Variants in MCC observed in about 807,000 individuals in gnomAD.
The protein encoded by MCC is MCC regulator of Wnt signaling pathway, also known as colorectal mutant cancer protein.
In MCC, 90 loss-of-function variants were observed where a neutral mutation model predicts 116.2. That is an observed-to-expected ratio of 0.77 (90% CI 0.65 to 0.92). The LOEUF is 0.92. MCC is among the 40% of genes least tolerant of loss of function. The probability of loss-of-function intolerance (pLI) is 0.00; values close to 1 mark genes in which losing one functional copy is unlikely to be tolerated. For missense variants in MCC, 1,516 were observed against 1,312.2 expected (o/e 1.16, Z -2.40); for synonymous variants, 578 against 510.5 (o/e 1.13, Z -1.78).
At chr5:113,137,550 C>A in intron 5 of MCC, among the ~76,000 whole-genome samples, 1 of 152,150 alleles carries the variant, frequency 6.6e-6, no homozygotes, top group Non-Finnish European at 1.5e-5. Flanking sequence ...CCCACTCGAT[C>A]ATGGTGAATG....
chr5:113,085,435 G>A, intron 8 of MCC, 125 bp from the exon 9 acceptor site: 1 of 866,686 alleles, frequency 1.2e-6, no homozygotes, highest in Non-Finnish European at 1.8e-6. Context: ...AGCTAGGTTG[G>A]TTGAGTCCAC....
intron 12 of MCC, among the ~76,000 whole-genome samples, chr5:113,069,532 T>C (rs1753878333): frequency 6.6e-6 from 1 of 152,276 alleles, no homozygotes; most frequent in Non-Finnish European, 1.5e-5. Flanking sequence ...AGGGGATATG[T>C]TGCTTCATTT....
chr5:113,205,410 A>G (rs905487117), intron 3 of MCC, among the ~76,000 whole-genome samples: 2 of 152,234 alleles, frequency 1.3e-5, no homozygotes, highest in Admixed American at 1.3e-4. Flanking sequence ...CTTGTATCAT[A>G]GAGAAGGTGG....
chr5:113,064,924 G>A (rs1753484324), intron 13 of MCC, among the ~76,000 whole-genome samples: 1 of 152,178 alleles, frequency 6.6e-6, no homozygotes, highest in African/African-American at 2.4e-5. Context: ...GCTGAGCTGA[G>A]GTGGGAGGAC....
intron 1 of MCC, among the ~76,000 whole-genome samples, chr5:113,478,456 A>G (rs1580427306): frequency 6.6e-6 from 1 of 152,152 alleles, no homozygotes; most frequent in Non-Finnish European, 1.5e-5. Context: ...GAAAAGAGGA[A>G]AATGCAGGAA....
chr5:113,259,701 T>C (rs1017962069), intron 3 of MCC, among the ~76,000 whole-genome samples: 1 of 152,050 alleles, frequency 6.6e-6, no homozygotes, highest in Non-Finnish European at 1.5e-5. Flanking sequence ...TGTTAACCCA[T>C]TTATGCCTAG....
rs141420067 is a variant in MCC at position 113,219,973 on chromosome 5, C to T, written c.628-68551G>A. On this transcript the variant is annotated intron_variant, in intron 3 of 18. Transcript: ENST00000408903. The stretch of plus-strand genomic sequence containing the variant: ...TTGAAATTAGATAGTATACATCCTC[C>T]GGGTTCATTCTTTTTCTAAGTTAAT... Among the ~76,000 whole-genome samples, 137 of 151,744 alleles carry T rather than the reference C, an allele frequency of 9.0e-4. 3 individuals are homozygous for T. The South Asian group carries it at 0.025, about 28-fold the overall frequency.
At chr5:113,482,285 T>A (rs959696344) in intron 1 of MCC, among the ~76,000 whole-genome samples, 10 of 152,196 alleles carry the variant, frequency 6.6e-5, no homozygotes, top group African/African-American at 1.9e-4. Context: ...AGGAGTAGCA[T>A]TGCTGGGGTC....
chr5:113,234,038 C>G (rs987560005), intron 3 of MCC, among the ~76,000 whole-genome samples: 5 of 152,166 alleles, frequency 3.3e-5, no homozygotes, highest in African/African-American at 1.2e-4. Context: ...GTCATTAACA[C>G]AGAGTTTAAA....
chr5:113,035,340 G>C (rs563825145), intron 17 of MCC, among the ~76,000 whole-genome samples: 2 of 152,290 alleles, frequency 1.3e-5, no homozygotes, highest in East Asian at 3.9e-4. Context: ...CCAGGTCCAA[G>C]TGGTCATCAC....
At chr5:113,328,131 GA>G (rs1352597593) in intron 3 of MCC, among the ~76,000 whole-genome samples, 2 of 152,132 alleles carry the variant, frequency 1.3e-5, no homozygotes, top group Non-Finnish European at 2.9e-5. Flanking sequence ...TCCCCTGAGA[GA>G]AATAAATGAC....
chr5:113,159,819 C>T lies in MCC; in HGVS notation c.628-8397G>A, dbSNP rs190426569. ...CCGGAATTCCAGCTAGGGGCACCTG[C>T]TATGTAGTATTTCAAGAAATGCTGC... On this transcript the variant is annotated intron_variant, in intron 3 of 18. Coordinates refer to ENST00000408903, the MANE Select transcript of MCC (RefSeq NM_001085377.2). Among the ~76,000 whole-genome samples, 7 of 152,292 alleles carry T rather than the reference C, an allele frequency of 4.6e-5. No individual in the cohort carries two copies. The East Asian group carries it at 1.4e-3, about 29-fold the overall frequency.
chr5:113,349,552 A>G (rs1197655690), intron 2 of MCC, among the ~76,000 whole-genome samples: 3 of 152,108 alleles, frequency 2.0e-5, no homozygotes, highest in Non-Finnish European at 4.4e-5. Flanking sequence ...CCTAAACATA[A>G]TAAAAGCTAA....
At chr5:113,289,073 C>T (rs565903450) in intron 3 of MCC, among the ~76,000 whole-genome samples, 1 of 152,162 alleles carries the variant, frequency 6.6e-6, no homozygotes, top group East Asian at 1.9e-4. Context: ...TGGTTCACGC[C>T]TACAATCCCA....
In MCC at chr5:113,104,203, G is replaced by C. The variant is rs774335615; in HGVS notation, c.1180C>G (p.Leu394Val). The C allele has an allele frequency of 1.9e-6, 3 of 1,611,918 alleles. No individual in the cohort carries two copies. ...QLTTASEHCD[L>V]AIKTVEEIEG... ...TGAGGAAGGTCTACCTTAATAGCCA[G>C]GTCACAGTGCTCGCTGGCTGTGGTG... is the stretch of plus-strand genomic sequence containing the variant. Residue 394 changes from leucine (L) to valine (V), a missense_variant, in exon 7 of 19, where the codon CTG (leucine) becomes GTG (valine). Coordinates refer to ENST00000408903, the MANE Select transcript of MCC (RefSeq NM_001085377.2).
chr5:113,070,955 C>T, intron 12 of MCC, 139 bp downstream of exon 12: 1 of 771,442 alleles, frequency 1.3e-6, no homozygotes, highest in Non-Finnish European at 2.0e-6. Context: ...TAGCTATTTG[C>T]TGTCCAAACC....
chr5:113,262,312 T>G (rs1765247559), intron 3 of MCC, among the ~76,000 whole-genome samples: 1 of 152,192 alleles, frequency 6.6e-6, no homozygotes, highest in Non-Finnish European at 1.5e-5. Flanking sequence ...TGCTATCAGG[T>G]TGAAAGAAAA....
intron 8 of MCC, among the ~76,000 whole-genome samples, chr5:113,089,135 C>A (rs1242117354): frequency 6.6e-6 from 1 of 152,164 alleles, no homozygotes; most frequent in Non-Finnish European, 1.5e-5. Flanking sequence ...TGTTTTTTCA[C>A]TTCTCCTGAA....
intron 3 of MCC, among the ~76,000 whole-genome samples, chr5:113,305,741 A>C (rs1444041249): frequency 1.3e-5 from 2 of 152,332 alleles, no homozygotes; most frequent in South Asian, 2.1e-4. Context: ...GTCATTCTAC[A>C]AGTTATATTT....
Sources: allele counts gnomAD v4.1 joint callset (sites outside exome capture counted in the v4.1 genomes callset), GRCh38; gene constraint gnomAD v4.1.1; transcripts MANE v1.5; gene names NCBI Gene and HGNC (gene_info 2026-07-23, HGNC 2026-07-21).